NOTCH1: variants seen among roughly 807,000 people sequenced by gnomAD.
The protein encoded by NOTCH1 is notch receptor 1, also known as neurogenic locus notch homolog protein 1.
NOTCH1 carries 37 observed loss-of-function variants against 254.8 expected under a neutral mutation model. The ratio of observed to expected loss-of-function variants is 0.15; its 90% CI spans 0.11 to 0.19. The LOEUF is 0.19. NOTCH1 is among the 10% of genes least tolerant of loss of function. NOTCH1 has a pLI of 1.00. For missense variants in NOTCH1, 2,972 were observed against 3,708.6 expected (o/e 0.80, Z 5.16); for synonymous variants, 1,731 against 1,618.1 (o/e 1.07, Z -1.68).
chr9:136,512,906 C>CG, intron 15 of NOTCH1, 115 bp downstream of exon 15: 27 of 500,894 alleles, frequency 5.4e-5, no homozygotes, highest in Middle Eastern at 6.0e-4. Flanking sequence ...CTTCCCAGGC[C>CG]GCCCCCACCC....
Position 136,510,633 on chromosome 9 carries a change from A to G in NOTCH1, c.2740+20T>C, listed in dbSNP as rs2133352770. The G allele has an allele frequency of 1.3e-6, 2 of 1,598,652 alleles. No individual in the cohort carries two copies. The highest frequency in any genetic ancestry group is 1.7e-6 in the Non-Finnish European group (2 of 1,176,934). On this transcript the variant is annotated intron_variant, in intron 17 of 33. Coordinates refer to ENST00000651671, the MANE Select transcript of NOTCH1 (RefSeq NM_017617.5). ...GCCTGAGAGCTTCCTGGAGGAGGCC[A>G]GAGCCGCGGGGCTACTCACTGGGCC...
intron 2 of NOTCH1, among the ~76,000 whole-genome samples, chr9:136,532,008 C>T (rs547162439): frequency 6.6e-6 from 1 of 152,360 alleles, no homozygotes; most frequent in African/African-American, 2.4e-5. Context: ...TACTGGCCCA[C>T]TGTGCCCCTG....
In NOTCH1 at chr9:136,518,246, G is replaced by A. The variant is rs368665838; in HGVS notation, c.1146C>T (p.Asn382=). The A allele has an allele frequency of 1.1e-4, 180 of 1,610,994 alleles. No individual in the cohort carries two copies. In the Middle Eastern group the frequency reaches 3.0e-3, roughly 27 times the overall value. The change falls in exon 7 of 34, where the codon AAC becomes AAT. Residue 382 remains asparagine (N), a synonymous_variant. Coordinates refer to ENST00000651671, the MANE Select transcript of NOTCH1 (RefSeq NM_017617.5). The part of the protein sequence containing the change: ...LNDACISNPC[N]EGSNCDTNPV... ...GGTTGGTGTCGCAGTTGGAGCCCTC[G>A]TTACAGGGGTTGCTGATGCATGCGT...
In NOTCH1 at chr9:136,518,458, C is replaced by T. The variant is rs571064394; in HGVS notation, c.1099+133G>A. 3.3e-4 allele frequency: 369 copies of T among 1,112,440 alleles called. 4 individuals are homozygous for T. The South Asian group carries it at 4.6e-3, about 14-fold the overall frequency. The allele number at this position is 1,112,440 out of a possible 1,614,324, so 68.9% of individuals were successfully genotyped here. On this transcript the variant is annotated intron_variant, in intron 6 of 33. Transcript: ENST00000651671. Reference sequence around the variant, plus strand: ...GTTCCGGGGGACTCACAGCGACCACCGGCCTCCCTGACCAGAAAGGCCCTT... The same window carrying T: ...GTTCCGGGGGACTCACAGCGACCACTGGCCTCCCTGACCAGAAAGGCCCTT...
Position 136,513,548 on chromosome 9 carries a change from G to A in NOTCH1, c.2208-11C>T. 1 of 1,612,782 alleles carries A rather than the reference G, an allele frequency of 6.2e-7. No homozygotes were observed. Among genetic ancestry groups the A allele is most frequent in the Non-Finnish European group, 8.5e-7 (1 of 1,179,942 alleles). ...CAGTCGCACTTGTACCTGCAAGGGG[G>A]ACCACACTGCAGGTCGAGGGAGGCC... On this transcript the variant is annotated splice_polypyrimidine_tract_variant and intron_variant, in intron 13 of 33. Coordinates refer to ENST00000651671, the MANE Select transcript of NOTCH1 (RefSeq NM_017617.5). The surrounding 1 kb of genome is among the most constrained non-coding windows in gnomAD (Gnocchi z 4.7).
chr9:136,531,255 C>T (rs979812309), intron 2 of NOTCH1, among the ~76,000 whole-genome samples: 2 of 152,228 alleles, frequency 1.3e-5, no homozygotes, highest in African/African-American at 2.4e-5. Flanking sequence ...GCCCTGGGGG[C>T]GTGTAATGGG....
At chr9:136,502,173 G>A in intron 28 of NOTCH1, 85 bp from the exon 29 acceptor site, 3 of 1,578,352 alleles carry the variant, frequency 1.9e-6, no homozygotes, top group Non-Finnish European at 2.6e-6. Flanking sequence ...TGGCGTGGGA[G>A]GTGGGCCCTG....
At chr9:136,529,347 G>A (rs1370063491) in intron 2 of NOTCH1, among the ~76,000 whole-genome samples, 1 of 152,234 alleles carries the variant, frequency 6.6e-6, no homozygotes, top group Non-Finnish European at 1.5e-5. Flanking sequence ...GGCTTCTGGG[G>A]CAGGGGGAGT....
chr9:136,513,142 GA>G lies in NOTCH1; in HGVS notation c.2354-9del. 1 of 1,607,288 alleles carries G rather than the reference GA, an allele frequency of 6.2e-7. No homozygotes were observed. The highest frequency in any genetic ancestry group is 1.1e-5 in the South Asian group (1 of 90,962). Reference sequence around the variant, plus strand: ...TGGTCTGGCAGTTGGGACCTGGAGGGAAGGGGACAGCACTCGGCATGTCCAG... The same window carrying G: ...TGGTCTGGCAGTTGGGACCTGGAGGGAGGGGACAGCACTCGGCATGTCCAG... On this transcript the variant is annotated splice_polypyrimidine_tract_variant and intron_variant, in intron 14 of 33. Transcript: ENST00000651671. The surrounding 1 kb of genome is among the most constrained non-coding windows in gnomAD (Gnocchi z 4.7).
intron 3 of NOTCH1, among the ~76,000 whole-genome samples, chr9:136,523,391 T>C (rs1368550720): frequency 1.3e-5 from 2 of 152,200 alleles, no homozygotes; most frequent in Non-Finnish European, 2.9e-5. Context: ...CTGGGCCGTC[T>C]CTTCCCAGAG....
chr9:136,521,148 G>A (rs897029895), intron 4 of NOTCH1, among the ~76,000 whole-genome samples: 1 of 152,202 alleles, frequency 6.6e-6, no homozygotes, highest in Non-Finnish European at 1.5e-5. Context: ...TGCAGGGGCC[G>A]CCGGGGACAG....
intron 1 of NOTCH1, among the ~76,000 whole-genome samples, chr9:136,544,778 C>G (rs1843787593): frequency 6.6e-6 from 1 of 152,084 alleles, no homozygotes; most frequent in African/African-American, 2.4e-5. Flanking sequence ...GCGCGCATCT[C>G]CAGGGCAGCC....
At position 136,506,473 on chromosome 9, in the gene NOTCH1, C is replaced by T. The variant is rs1843086544; in HGVS notation, c.4014+54G>A. On this transcript the variant is annotated intron_variant, in intron 24 of 33. Coordinates refer to ENST00000651671, the MANE Select transcript of NOTCH1 (RefSeq NM_017617.5). The surrounding 1 kb of genome is among the most constrained non-coding windows in gnomAD (Gnocchi z 4.5). ...TGCGCCCCGAGGCCCCCACGTGGAC[C>T]TCTCCAGGTGTCTCCCCTGGCGGGC... 1 of 1,505,212 alleles carries T rather than the reference C, an allele frequency of 6.6e-7. No homozygotes were observed. Among genetic ancestry groups the T allele is most frequent in the Non-Finnish European group, 9.0e-7 (1 of 1,110,254 alleles). 93.2% of individuals were successfully genotyped at this position (1,505,212 alleles called of 1,614,324 possible). A position where few individuals can be genotyped will look rare whatever the true frequency, so the allele number is the denominator to read the frequency against.
In NOTCH1 at chr9:136,499,112, C is replaced by T. The variant is rs2133322474; in HGVS notation, c.6082G>A (p.Gly2028Ser). 1.2e-6 allele frequency: 2 copies of T among 1,613,166 alleles called. No individual in the cohort carries two copies. The highest frequency in any genetic ancestry group is 1.7e-6 in the Non-Finnish European group (2 of 1,179,992). ...AGCAGCCGTGCCCCCGTGGGCTCAC[C>T]CAGGTCATCTACGGCGTTGACGTCG... ...HADVNAVDDL[G>S]KSALHWAAAV... The change falls in exon 32 of 34, where the codon GGC (glycine) becomes AGC (serine). Residue 2028 changes from glycine to serine, a missense_variant and splice_region_variant. This residue lies in a region of NOTCH1 where 421 missense variants were observed against 604.4 expected (regional missense o/e 0.70). Coordinates refer to ENST00000651671, the MANE Select transcript of NOTCH1 (RefSeq NM_017617.5).
intron 2 of NOTCH1, chr9:136,543,694 G>A (rs996551587): frequency 5.9e-5 from 28 of 474,184 alleles, no homozygotes; most frequent in Middle Eastern, 5.8e-4. Flanking sequence ...TCAGTAAATG[G>A]TCCAGAGCTT....
At chr9:136,510,536 C>A (rs11574896) in intron 17 of NOTCH1, 117 bp downstream of exon 17, 2 of 1,384,306 alleles carry the variant, frequency 1.4e-6, no homozygotes, top group African/African-American at 1.4e-5. Flanking sequence ...CAACCCTCCC[C>A]GGCCACACTC....
intron 2 of NOTCH1, among the ~76,000 whole-genome samples, chr9:136,535,571 A>C (rs80349963): frequency 1.9e-3 from 29 of 14,996 alleles, no homozygotes; most frequent in Non-Finnish European, 2.0e-3. Context: ...TGGTGGGTGG[A>C]GGGGGGAGCA....
At chr9:136,504,121 G>A (rs1316644314) in intron 26 of NOTCH1, among the ~76,000 whole-genome samples, 5 of 152,200 alleles carry the variant, frequency 3.3e-5, no homozygotes, top group Non-Finnish European at 5.9e-5. Context: ...ATGACCAAGC[G>A]GCATTCTTGT....
intron 2 of NOTCH1, among the ~76,000 whole-genome samples, chr9:136,542,725 G>A (rs1039306949): frequency 4.0e-5 from 6 of 151,896 alleles, no homozygotes; most frequent in African/African-American, 7.3e-5. Context: ...GGCAGGAGCC[G>A]GGCTGGGGTT....
Sources: allele counts gnomAD v4.1 joint callset (sites outside exome capture counted in the v4.1 genomes callset), GRCh38; gene constraint gnomAD v4.1.1; regional missense constraint gnomAD v4.1.1; non-coding constraint Gnocchi (gnomAD v3.1); transcripts MANE v1.5; gene names NCBI Gene and HGNC (gene_info 2026-07-23, HGNC 2026-07-21).